The following EYA2 variants were observed in gnomAD, a reference collection of about 807,000 sequenced individuals.
EYA2 encodes protein phosphatase EYA2.
In EYA2, 31 loss-of-function variants were observed where a neutral mutation model predicts 69.2. That is an observed-to-expected ratio of 0.45 (90% CI 0.34 to 0.60). The LOEUF (loss-of-function observed/expected upper bound fraction) is 0.60. EYA2 is among the 20% of genes least tolerant of loss of function. The pLI is 0.02. For missense variants in EYA2, 622 were observed against 701.2 expected (o/e 0.89, Z 1.28); for synonymous variants, 257 against 279.4 (o/e 0.92, Z 0.80).
At chr20:46,967,097 G>A (rs930938400) in intron 1 of EYA2, among the ~76,000 whole-genome samples, 2 of 152,134 alleles carry the variant, frequency 1.3e-5, no homozygotes, top group Non-Finnish European at 2.9e-5. Flanking sequence ...AGGTTCAAGT[G>A]ATTCTCGTGC....
Position 47,188,818 on chromosome 20 carries a change from T to C in EYA2, c.*685T>C, listed in dbSNP as rs2034701684. The C allele has an allele frequency of 6.5e-6, 1 of 154,786 alleles. No homozygotes were observed. The highest frequency in any genetic ancestry group is 2.4e-5 in the African/African-American group (1 of 41,512). 9.6% of individuals were successfully genotyped at this position (154,786 alleles called of 1,614,324 possible). ...GTGCTTTGTGATGGATAAAAGGCAT[T>C]AAATAAAACCACGTTTACATTTTGA... On this transcript the variant is annotated 3_prime_UTR_variant, in exon 16 of 16. Coordinates refer to ENST00000327619, the MANE Select transcript of EYA2 (RefSeq NM_005244.5).
At chr20:46,958,745 A>C (rs1979293610) in intron 1 of EYA2, among the ~76,000 whole-genome samples, 1 of 152,086 alleles carries the variant, frequency 6.6e-6, no homozygotes, top group Non-Finnish European at 1.5e-5. Flanking sequence ...CTGTGTGTCC[A>C]TGTATTCTCA....
At chr20:47,089,854 C>A (rs2032018866) in intron 8 of EYA2, among the ~76,000 whole-genome samples, 1 of 152,118 alleles carries the variant, frequency 6.6e-6, no homozygotes, top group Non-Finnish European at 1.5e-5. Flanking sequence ...CTTTAAAAAA[C>A]AGATACCCTG....
At chr20:47,141,996 G>A (rs977901232) in intron 9 of EYA2, among the ~76,000 whole-genome samples, 2 of 152,042 alleles carry the variant, frequency 1.3e-5, no homozygotes, top group Non-Finnish European at 2.9e-5. Flanking sequence ...ATATGCAAAC[G>A]TTCTCTTCAT....
intron 10 of EYA2, among the ~76,000 whole-genome samples, chr20:47,156,125 CACATATATATATAT>C (rs1568814173): frequency 6.3e-4 from 14 of 22,128 alleles, no homozygotes; most frequent in African/African-American, 1.5e-3. Context: ...CACACACACA[CACATATATATATAT>C]ATATATATAT....
intron 1 of EYA2, among the ~76,000 whole-genome samples, chr20:46,980,491 A>G (rs561288188): frequency 6.6e-6 from 1 of 152,344 alleles, no homozygotes; most frequent in East Asian, 1.9e-4. Context: ...ATTGATACAT[A>G]ATAGATGGAC....
chr20:47,171,738 A>G (rs537117636), intron 11 of EYA2, among the ~76,000 whole-genome samples: 3 of 152,188 alleles, frequency 2.0e-5, no homozygotes, highest in African/African-American at 4.8e-5. Context: ...TCCATCTCCT[A>G]ACATCTAGAC....
chr20:46,994,595 G>A (rs1981895054), intron 2 of EYA2, among the ~76,000 whole-genome samples: 1 of 152,190 alleles, frequency 6.6e-6, no homozygotes, highest in African/African-American at 2.4e-5. Flanking sequence ...GGGCTGACGG[G>A]TTTTGATTCA....
chr20:47,164,261 G>C (rs868405912), intron 10 of EYA2, among the ~76,000 whole-genome samples: 6 of 152,168 alleles, frequency 3.9e-5, no homozygotes, highest in African/African-American at 1.4e-4. Context: ...ATGAGGTAGC[G>C]TCTAGCTGAG....
chr20:47,098,705 A>G (rs1369919751), intron 9 of EYA2, among the ~76,000 whole-genome samples: 4 of 151,658 alleles, frequency 2.6e-5, no homozygotes, highest in Admixed American at 1.3e-4. Flanking sequence ...TTCACCTCCA[A>G]CTCGGCTTCC....
chr20:47,008,016 T>A (rs1164865498), intron 4 of EYA2, among the ~76,000 whole-genome samples: 1 of 152,096 alleles, frequency 6.6e-6, no homozygotes, highest in African/African-American at 2.4e-5. Flanking sequence ...GGGAGACGGA[T>A]GAAGCCTGGA....
chr20:46,944,772 G>C (rs1231540396), intron 1 of EYA2, among the ~76,000 whole-genome samples: 7 of 152,198 alleles, frequency 4.6e-5, no homozygotes, highest in Non-Finnish European at 1.0e-4. Context: ...AAAAGGTGAA[G>C]ATGCTACATT....
chr20:47,175,627 G>C (rs6063079), intron 12 of EYA2, among the ~76,000 whole-genome samples: 67,569 of 151,986 alleles, frequency 0.44, 15,243 homozygotes, highest in Non-Finnish European at 0.49. Flanking sequence ...TTTGTTATCT[G>C]GGGAAGGTGG....
At chr20:47,166,216 A>G (rs1189948006) in intron 10 of EYA2, among the ~76,000 whole-genome samples, 2 of 151,660 alleles carry the variant, frequency 1.3e-5, no homozygotes, top group South Asian at 2.1e-4. Context: ...CCTGGCCAAC[A>G]TAGCAAAACC....
chr20:46,994,310 C>G (rs531332158), intron 2 of EYA2, among the ~76,000 whole-genome samples: 2 of 152,312 alleles, frequency 1.3e-5, no homozygotes, highest in South Asian at 4.1e-4. Flanking sequence ...CCTATTATTC[C>G]TTATGATTCA....
At chr20:46,945,560 T>C (rs1377185152) in intron 1 of EYA2, among the ~76,000 whole-genome samples, 1 of 152,220 alleles carries the variant, frequency 6.6e-6, no homozygotes, top group Non-Finnish European at 1.5e-5. Flanking sequence ...CTACAAATGC[T>C]ATTACCAGAA....
At chr20:47,125,076 CAG>C (rs1334362945) in intron 9 of EYA2, among the ~76,000 whole-genome samples, 1 of 113,334 alleles carries the variant, frequency 8.8e-6, no homozygotes, top group Non-Finnish European at 1.7e-5. Context: ...TTTTTTGAGA[CAG>C]AGTCTTGCTC....
intron 2 of EYA2, among the ~76,000 whole-genome samples, chr20:46,993,140 G>T (rs940726079): frequency 6.6e-6 from 1 of 152,196 alleles, no homozygotes; most frequent in Non-Finnish European, 1.5e-5. Flanking sequence ...TAACCTCCTT[G>T]AGACCCATTT....
At chr20:46,957,843 G>T (rs1357454786) in intron 1 of EYA2, among the ~76,000 whole-genome samples, 1 of 152,168 alleles carries the variant, frequency 6.6e-6, no homozygotes, top group Non-Finnish European at 1.5e-5. Flanking sequence ...GCAGCCACAA[G>T]AAATGCATCC....
Sources: gnomAD v4.1 joint callset for allele counts (sites outside exome capture counted in the v4.1 genomes callset) on GRCh38, gnomAD v4.1.1 for gene constraint, MANE v1.5 for transcripts, NCBI Gene and HGNC (gene_info 2026-07-23, HGNC 2026-07-21) for gene names.